PTPDC1: variants seen among roughly 807,000 people sequenced by gnomAD.
PTPDC1 encodes protein tyrosine phosphatase domain-containing protein 1.
A neutral mutation model predicts 75.3 loss-of-function variants in PTPDC1; 53 were observed. That is an observed-to-expected ratio of 0.70 (90% CI 0.56 to 0.88). The LOEUF is 0.88. Ranked by LOEUF, PTPDC1 falls within the 40% of genes least tolerant of loss-of-function variation. The probability of loss-of-function intolerance (pLI) is 0.00; values close to 1 mark genes in which losing one functional copy is unlikely to be tolerated. For missense variants in PTPDC1, 925 were observed against 998.6 expected (o/e 0.93, Z 0.99); for synonymous variants, 349 against 366.2 (o/e 0.95, Z 0.54).
At chr9:94,085,215 T>G in intron 1 of PTPDC1, 36 bp from the exon 2 acceptor site, 6 of 1,567,840 alleles carry the variant, frequency 3.8e-6, no homozygotes, top group Admixed American at 1.7e-5. Flanking sequence ...ATTTGGAGAG[T>G]GGAATTTTGA....
At chr9:94,099,008 G>T (rs1216947975) in intron 6 of PTPDC1, among the ~76,000 whole-genome samples, 1 of 152,190 alleles carries the variant, frequency 6.6e-6, no homozygotes, top group Admixed American at 6.5e-5. Context: ...ATCAACACTG[G>T]TGCTGAGCAA....
At chr9:94,045,848 A>C (rs1702443542) in intron 1 of PTPDC1, among the ~76,000 whole-genome samples, 1 of 152,028 alleles carries the variant, frequency 6.6e-6, no homozygotes, top group Non-Finnish European at 1.5e-5. Flanking sequence ...CTTTAGTTTA[A>C]TTAGATCCCA....
At chr9:94,103,088 A>G (rs1465054450) in intron 7 of PTPDC1, among the ~76,000 whole-genome samples, 1 of 152,086 alleles carries the variant, frequency 6.6e-6, no homozygotes, top group Middle Eastern at 3.2e-3. Context: ...ACACAGATAC[A>G]ATACACAATA....
intron 1 of PTPDC1, among the ~76,000 whole-genome samples, chr9:94,052,227 A>G (rs777891861): frequency 2.6e-5 from 4 of 152,110 alleles, no homozygotes; most frequent in Non-Finnish European, 5.9e-5. Flanking sequence ...TTCTTAATCT[A>G]TGTGTTATTT....
rs1168425697 is a variant in PTPDC1 at position 94,087,337 on chromosome 9, C to A, written c.417-494C>A. 2.0e-5 allele frequency among the ~76,000 whole-genome samples: 3 copies of A among 152,062 alleles called. No homozygotes were observed. In the East Asian group the frequency reaches 5.8e-4, roughly 29 times the overall value. ...TTCTTACACGGGTGCACCAAAATCT[C>A]AAAATTCACCACTAAATAACTCATC... On this transcript the variant is annotated intron_variant, in intron 2 of 8. Transcript: ENST00000620992.
chr9:94,097,501 C>T lies in PTPDC1; in HGVS notation c.935C>T (p.Ala312Val), dbSNP rs979181892. The change falls in exon 6 of 9, where the codon GCA becomes GTA. Residue 312 changes from alanine to valine, a missense_variant. Coordinates refer to ENST00000620992, the MANE Select transcript of PTPDC1 (RefSeq NM_001253829.2). ...ATATTCTCTTGCTGTGATCCCAAAG[C>T]ACATGCTGTCACCTTACCTCAATAT... ...RNIFSCCDPK[A>V]HAVTLPQYLI... 5 of 1,614,176 alleles carry T rather than the reference C, an allele frequency of 3.1e-6. No homozygotes were observed. Among genetic ancestry groups the T allele is most frequent in the Non-Finnish European group, 4.2e-6 (5 of 1,180,014 alleles).
chr9:94,094,017 C>T (rs1027584592), intron 4 of PTPDC1, among the ~76,000 whole-genome samples: 1 of 152,178 alleles, frequency 6.6e-6, no homozygotes, highest in African/African-American at 2.4e-5. Flanking sequence ...AACTGCTTTG[C>T]CTTTGGTTTG....
In PTPDC1 at chr9:94,088,177, G is replaced by A. The variant is rs770648342; in HGVS notation, c.530G>A (p.Arg177His). Residue 177 changes from arginine (R) to histidine (H), a missense_variant, in exon 4 of 9, where the codon CGC (arginine) becomes CAC (histidine). By Grantham distance (29) the Arg-to-His change is conservative (BLOSUM62 0). Coordinates refer to ENST00000620992, the MANE Select transcript of PTPDC1 (RefSeq NM_001253829.2). ...ATAAAAACAATAATCAACCTCCAGC[G>A]CCCTGGTGAGCATGCTAGCTGTGGG... Reference protein sequence around the residue: ...HGIKTIINLQRPGEHASCGNP... With the variant: ...HGIKTIINLQHPGEHASCGNP... 1.7e-5 allele frequency: 27 copies of A among 1,613,628 alleles called. No individual in the cohort carries two copies. The highest frequency in any genetic ancestry group is 1.4e-4 in the South Asian group (13 of 91,070).
chr9:94,075,757 G>A (rs1826664041), intron 2 of PTPDC1, among the ~76,000 whole-genome samples: 1 of 152,204 alleles, frequency 6.6e-6, no homozygotes, highest in South Asian at 2.1e-4. Context: ...AGAAACAGAA[G>A]TCTGCCTAGT....
intron 7 of PTPDC1, among the ~76,000 whole-genome samples, 198 bp from the exon 8 acceptor site, chr9:94,104,077 T>C (rs1404376509): frequency 1.3e-5 from 2 of 152,264 alleles, no homozygotes; most frequent in African/African-American, 4.8e-5. Flanking sequence ...TTTGATATTA[T>C]CTCCTGAAAG....
chr9:94,076,220 T>C (rs539974889), intron 2 of PTPDC1, among the ~76,000 whole-genome samples: 1 of 152,090 alleles, frequency 6.6e-6, no homozygotes, highest in Non-Finnish European at 1.5e-5. Context: ...GGCTGGCTGG[T>C]CTCTAACTCC....
intron 2 of PTPDC1, among the ~76,000 whole-genome samples, chr9:94,071,453 A>G (rs565753545): frequency 6.6e-6 from 1 of 151,366 alleles, no homozygotes; most frequent in East Asian, 1.9e-4. Context: ...TTACCTTTCC[A>G]TTTCTTCATA....
At chr9:94,099,614 A>G (rs1423345078) in intron 6 of PTPDC1, among the ~76,000 whole-genome samples, 2 of 152,386 alleles carry the variant, frequency 1.3e-5, no homozygotes, top group East Asian at 3.9e-4. Flanking sequence ...CCTATCCAAT[A>G]GTTAAATGTA....
chr9:94,046,583 A>T (rs1825606536), intron 1 of PTPDC1, among the ~76,000 whole-genome samples: 2 of 152,072 alleles, frequency 1.3e-5, no homozygotes, highest in Non-Finnish European at 2.9e-5. Flanking sequence ...TTGGATTCCT[A>T]GGTATTTTAT....
At position 94,097,759 on chromosome 9, in the gene PTPDC1, C is replaced by G; in HGVS notation, c.1193C>G (p.Ser398Cys). 6.2e-7 allele frequency: 1 copy of G among 1,614,122 alleles called. No homozygotes were observed. The highest frequency in any genetic ancestry group is 1.7e-5 in the Admixed American group (1 of 60,014). ...TTACTGAGGCATGACAGTGATGTGT[C>G]CAACCCGCCTAACCCCACTGCAGTG... ...KELLRHDSDV[S>C]NPPNPTAVAA... is the part of the protein sequence containing the mutation. Residue 398 changes from serine to cysteine, a missense_variant, in exon 6 of 9, where the codon TCC becomes TGC. Transcript: ENST00000620992.
chr9:94,084,654 G>GCAGGCCCGGA lies in PTPDC1; in HGVS notation c.124_125insCAGGCCCGGA (p.Gly42AlafsTer43). The GCAGGCCCGGA allele has an allele frequency of 6.2e-7, 1 of 1,613,426 alleles. No homozygotes were observed. The highest frequency in any genetic ancestry group is 1.7e-4 in the Middle Eastern group (1 of 6,052). On this transcript the variant is annotated frameshift_variant, in exon 1 of 9. Transcript: ENST00000620992. LOFTEE classifies it high-confidence loss of function. ...GCTGCAGCAGGCCCGGCGGGGCTCTGGCTTGGGCTCCGGCTCTGCCACGAA... is the reference window on the plus strand; with the variant it reads ...GCTGCAGCAGGCCCGGCGGGGCTCTGCAGGCCCGGAGCTTGGGCTCCGGCTCTGCCACGAA...
At chr9:94,105,875 A>G (rs894765400) in intron 8 of PTPDC1, among the ~76,000 whole-genome samples, 2 of 151,758 alleles carry the variant, frequency 1.3e-5, no homozygotes, top group Non-Finnish European at 2.9e-5. Flanking sequence ...CGGGAGGCTG[A>G]GGCAGGAGAA....
chr9:94,094,997 A>G (rs1827500336), intron 4 of PTPDC1, among the ~76,000 whole-genome samples: 1 of 152,210 alleles, frequency 6.6e-6, no homozygotes, highest in Admixed American at 6.5e-5. Flanking sequence ...TAATGAGATG[A>G]ACCCGGTACC....
In PTPDC1 at chr9:94,084,627, C is replaced by T. The variant is rs1194493547; in HGVS notation, c.97C>T (p.Arg33Trp). The part of the protein sequence containing the change: ...RRHSTSDPVL[R>W]LQQARRGSGL... ...GCACTCCACCTCAGACCCAGTACTG[C>T]GGCTGCAGCAGGCCCGGCGGGGCTC... is the stretch of plus-strand genomic sequence containing the variant. Residue 33 changes from arginine to tryptophan, a missense_variant, in exon 1 of 9, where the codon CGG (arginine) becomes TGG (tryptophan). Transcript: ENST00000620992. 8 of 1,613,278 alleles carry T rather than the reference C, an allele frequency of 5.0e-6. No individual in the cohort carries two copies. The highest frequency in any genetic ancestry group is 4.5e-5 in the East Asian group (2 of 44,820).
Sources: allele counts gnomAD v4.1 joint callset (sites outside exome capture counted in the v4.1 genomes callset), GRCh38; gene constraint gnomAD v4.1.1; transcripts MANE v1.5; gene names NCBI Gene and HGNC (gene_info 2026-07-23, HGNC 2026-07-21).